Variants in IL1RAPL2 observed in about 807,000 individuals in gnomAD.
IL1RAPL2 encodes interleukin 1 receptor accessory protein like 2, also known as X-linked interleukin-1 receptor accessory protein-like 2.
A neutral mutation model predicts 44.1 loss-of-function variants in IL1RAPL2; 3 were observed. The ratio of observed to expected loss-of-function variants is 0.07; its 90% CI spans 0.03 to 0.18. IL1RAPL2 has a LOEUF of 0.18. IL1RAPL2 is among the 10% of genes least tolerant of loss of function. IL1RAPL2 has a pLI of 1.00. For synonymous variants in IL1RAPL2, 181 were observed against 178.8 expected, an observed-to-expected ratio of 1.01 and a Z score of -0.10; for missense variants, 391 against 496.4, an observed-to-expected ratio of 0.79 and a Z score of 2.02.
intron 2 of IL1RAPL2, among the ~76,000 whole-genome samples, chrX:104,836,265 A>C (rs1921739208): frequency 9.1e-6 from 1 of 110,451 alleles, no homozygotes; most frequent in African/African-American, 3.3e-5. Context: ...GAGGCTGGGT[A>C]GGATAGTGGG....
intron 2 of IL1RAPL2, among the ~76,000 whole-genome samples, chrX:104,740,589 T>G (rs1489742743): frequency 9.0e-6 from 1 of 111,181 alleles, no homozygotes; most frequent in Non-Finnish European, 1.9e-5. Context: ...TACCTTTCCT[T>G]TTTGTTTTTC....
rs139464430 is a variant in IL1RAPL2, at chrX:105,550,733, C to A, written c.772+66346C>A. On this transcript the variant is annotated intron_variant, in intron 6 of 10. Transcript: ENST00000372582. The stretch of plus-strand genomic sequence containing the variant: ...TTTAAATGCAGATATGGTCACAGGG[C>A]ATACTAAATTGTCAAAGATTCTAAG... Among the ~76,000 whole-genome samples the A allele has an allele frequency of 9.8e-4, 109 of 111,048 alleles. 1 individual carries two copies. In the Middle Eastern group the frequency reaches 0.014, roughly 14 times the overall value.
intron 8 of IL1RAPL2, among the ~76,000 whole-genome samples, chrX:105,740,902 ATT>A (rs1459458544): frequency 8.9e-6 from 1 of 111,915 alleles, no homozygotes; most frequent in Non-Finnish European, 1.9e-5. Flanking sequence ...GAAATGAAGT[ATT>A]GTCATATGTT....
intron 6 of IL1RAPL2, among the ~76,000 whole-genome samples, chrX:105,570,665 G>A (rs1254408431): frequency 8.9e-6 from 1 of 112,038 alleles, no homozygotes. Flanking sequence ...AGTAGTGATA[G>A]ACTAATCATA....
chrX:104,850,195 G>A (rs1392161558), intron 2 of IL1RAPL2, among the ~76,000 whole-genome samples: 1 of 111,004 alleles, frequency 9.0e-6, no homozygotes, highest in Non-Finnish European at 1.9e-5. Context: ...AATTTTTAAT[G>A]TGGTAGTTGG....
At position 104,906,430 on chromosome X, in the gene IL1RAPL2, T is replaced by C. The variant is rs765182183; in HGVS notation, c.82+247435T>C. The stretch of plus-strand genomic sequence containing the variant: ...AGTTTTTGCCCATTCAGTATGATAT[T>C]GGCTGTGGGTTTGTCATAGATAGCT... On this transcript the variant is annotated intron_variant, in intron 2 of 10. Coordinates refer to ENST00000372582, the MANE Select transcript of IL1RAPL2 (RefSeq NM_017416.2). 2.0e-3 allele frequency among the ~76,000 whole-genome samples: 227 copies of C among 111,441 alleles called. 1 individual carries two copies. The highest frequency in any genetic ancestry group is 7.0e-3 in the African/African-American group (214 of 30,653).
chrX:104,757,429 A>C (rs1932358549), intron 2 of IL1RAPL2, among the ~76,000 whole-genome samples: 1 of 111,477 alleles, frequency 9.0e-6, no homozygotes, highest in Admixed American at 9.5e-5. Flanking sequence ...TAGGCTTTAA[A>C]TGTATGAGTC....
intron 2 of IL1RAPL2, among the ~76,000 whole-genome samples, chrX:105,097,502 T>C (rs1231940062): frequency 1.8e-5 from 2 of 110,402 alleles, no homozygotes; most frequent in Non-Finnish European, 1.9e-5. Flanking sequence ...GTTATATATC[T>C]CCAAAGTTAG....
chrX:105,276,454 G>A (rs2034486984), intron 5 of IL1RAPL2, among the ~76,000 whole-genome samples: 2 of 112,162 alleles, frequency 1.8e-5, no homozygotes, highest in South Asian at 7.4e-4. Context: ...CCAGCAGCCA[G>A]GCAGGTCATG....
At chrX:104,677,114 G>A (rs866210131) in intron 2 of IL1RAPL2, among the ~76,000 whole-genome samples, 17 of 112,096 alleles carry the variant, frequency 1.5e-4, no homozygotes, top group South Asian at 3.7e-4. Flanking sequence ...GTCATTCTCT[G>A]TCCAGCTTTG....
At chrX:105,741,341 A>T (rs1216896519) in intron 8 of IL1RAPL2, among the ~76,000 whole-genome samples, 1 of 112,030 alleles carries the variant, frequency 8.9e-6, no homozygotes, top group Non-Finnish European at 1.9e-5. Flanking sequence ...AAACAATCTC[A>T]GCAGCTAGAG....
At chrX:105,399,287 GTTACTAT>G (rs2147734403) in intron 5 of IL1RAPL2, among the ~76,000 whole-genome samples, 1 of 110,945 alleles carries the variant, frequency 9.0e-6, no homozygotes, top group African/African-American at 3.3e-5. Flanking sequence ...AAGACACTCT[GTTACTAT>G]TTACTAATGC....
intron 2 of IL1RAPL2, among the ~76,000 whole-genome samples, chrX:104,851,240 A>C (rs1602759230): frequency 8.9e-6 from 1 of 112,054 alleles, no homozygotes; most frequent in Admixed American, 9.5e-5. Context: ...ACCAAACCAA[A>C]ATGACACCAA....
At chrX:104,609,105 T>G (rs745340301) in intron 1 of IL1RAPL2, among the ~76,000 whole-genome samples, 1 of 112,058 alleles carries the variant, frequency 8.9e-6, no homozygotes, top group East Asian at 2.8e-4. Context: ...TCTCCTTCAC[T>G]TATGAAGCTT....
intron 7 of IL1RAPL2, among the ~76,000 whole-genome samples, chrX:105,731,263 G>A (rs1299621697): frequency 9.1e-6 from 1 of 110,375 alleles, no homozygotes; most frequent in East Asian, 2.9e-4. Flanking sequence ...TAATGAACCC[G>A]AAAACCTAGG....
intron 2 of IL1RAPL2, among the ~76,000 whole-genome samples, chrX:104,662,855 A>G (rs989449468): frequency 8.9e-6 from 1 of 112,030 alleles, no homozygotes; most frequent in Non-Finnish European, 1.9e-5. Context: ...CAGAGAAAGC[A>G]TCAGTCTGAT....
intron 2 of IL1RAPL2, among the ~76,000 whole-genome samples, chrX:105,146,407 G>C (rs2147586357): frequency 9.0e-6 from 1 of 110,864 alleles, no homozygotes; most frequent in East Asian, 2.9e-4. Flanking sequence ...GGTAGAAAAA[G>C]GTTTTCAGCC....
chrX:104,644,583 A>G (rs1435174334), intron 1 of IL1RAPL2, among the ~76,000 whole-genome samples: 2 of 110,602 alleles, frequency 1.8e-5, no homozygotes, highest in African/African-American at 6.6e-5. Flanking sequence ...CTTACTCCAT[A>G]CAATAACCTT....
intron 6 of IL1RAPL2, among the ~76,000 whole-genome samples, chrX:105,665,998 G>A (rs1355217910): frequency 1.8e-5 from 2 of 109,066 alleles, no homozygotes; most frequent in East Asian, 5.7e-4. Context: ...TCCTGACCTC[G>A]TGATCCGCCT....
Sources: allele counts gnomAD v4.1 joint callset (sites outside exome capture counted in the v4.1 genomes callset), GRCh38; gene constraint gnomAD v4.1.1; transcripts MANE v1.5; gene names NCBI Gene and HGNC (gene_info 2026-07-23, HGNC 2026-07-21).